CCM2: variants seen among roughly 807,000 people sequenced by gnomAD.
CCM2 encodes the protein CCM2 scaffold protein.
A neutral mutation model predicts 44.9 loss-of-function variants in CCM2; 25 were observed. That is an observed-to-expected ratio of 0.56 (90% CI 0.41 to 0.78). The LOEUF is 0.78. Ranked by LOEUF, CCM2 falls within the 30% of genes least tolerant of loss-of-function variation. The pLI, the probability that CCM2 is intolerant of heterozygous loss-of-function variation, is 0.00. For missense variants in CCM2, 481 were observed against 580.6 expected (o/e 0.83, Z 1.76); for synonymous variants, 219 against 241.1 (o/e 0.91, Z 0.85).
chr7:45,047,568 C>T lies in CCM2; in HGVS notation c.204+9142C>T, dbSNP rs370211154. Among the ~76,000 whole-genome samples, 31 of 152,322 alleles carry T rather than the reference C, an allele frequency of 2.0e-4. 1 individual carries two copies. The South Asian group carries it at 6.0e-3, about 30-fold the overall frequency. On this transcript the variant is annotated intron_variant, in intron 2 of 9. Coordinates refer to ENST00000258781, the MANE Select transcript of CCM2 (RefSeq NM_031443.4). ...AACAAAGGAACAAACTACACAGCAA[C>T]CTGGATGGGCCTCCAGAGAATTATG...
chr7:45,014,861 A>G (rs1179516676), intron 1 of CCM2, among the ~76,000 whole-genome samples: 3 of 146,230 alleles, frequency 2.1e-5, no homozygotes, highest in Non-Finnish European at 3.0e-5. Flanking sequence ...ACATCGGCTG[A>G]TCGGCCCACC....
intron 8 of CCM2, 158 bp downstream of exon 8, chr7:45,073,729 T>C (rs1245997441): frequency 1.6e-6 from 1 of 615,570 alleles, no homozygotes; most frequent in Admixed American, 2.6e-5. Context: ...ATCACTGCCT[T>C]TTCCTGGGGA....
chr7:45,040,774 G>T (rs1020119803), intron 2 of CCM2, among the ~76,000 whole-genome samples: 1 of 152,136 alleles, frequency 6.6e-6, no homozygotes, highest in African/African-American at 2.4e-5. Flanking sequence ...ATCAGATGAG[G>T]CCAGGAGTTT....
rs777510416 is a variant in CCM2, at chr7:45,064,553, G to A, written c.379G>A (p.Gly127Arg). Residue 127 changes from glycine to arginine, a missense_variant, in exon 4 of 10, where the codon GGG (glycine) becomes AGG (arginine). Transcript: ENST00000258781. ...CAACGTCAAGCTGGCCTGGAGGGACGGGGAGGATATCATCCTCAGGGTGCC... is the reference window on the plus strand; with the variant it reads ...CAACGTCAAGCTGGCCTGGAGGGACAGGGAGGATATCATCCTCAGGGTGCC... ...AYNVKLAWRD[G>R]EDIILRVPIH... The A allele has an allele frequency of 1.9e-6, 3 of 1,613,808 alleles. No individual in the cohort carries two copies. Among genetic ancestry groups the A allele is most frequent in the South Asian group, 1.1e-5 (1 of 91,078 alleles).
chr7:45,067,393 C>T (rs1712935433), intron 4 of CCM2, among the ~76,000 whole-genome samples: 1 of 148,382 alleles, frequency 6.7e-6, no homozygotes, highest in African/African-American at 2.5e-5. Context: ...GAACTCCTGA[C>T]CTCAGGTGAT....
intron 1 of CCM2, among the ~76,000 whole-genome samples, chr7:45,010,607 A>T (rs10235778): frequency 0.84 from 127,015 of 151,820 alleles, 53,196 homozygotes; most frequent in East Asian, 0.9. Context: ...ATATATATAT[A>T]TTTTTTTGAG....
intron 2 of CCM2, among the ~76,000 whole-genome samples, chr7:45,042,328 A>T (rs1797551904): frequency 6.6e-6 from 1 of 151,068 alleles, no homozygotes; most frequent in Admixed American, 6.6e-5. Flanking sequence ...TAGCATTTGT[A>T]TTGTTGAAGT....
intron 2 of CCM2, among the ~76,000 whole-genome samples, chr7:45,042,810 C>T (rs1242892447): frequency 2.0e-5 from 3 of 151,194 alleles, no homozygotes; most frequent in African/African-American, 7.4e-5. Flanking sequence ...TGAAAACTCC[C>T]ATTAAAAAAA....
chr7:45,056,570 A>G (rs144523470), intron 2 of CCM2, among the ~76,000 whole-genome samples: 7 of 152,342 alleles, frequency 4.6e-5, no homozygotes, highest in Non-Finnish European at 1.0e-4. Context: ...CATTTCCCTA[A>G]TAACTATTGA....
intron 1 of CCM2, among the ~76,000 whole-genome samples, chr7:45,007,188 A>G (rs998091026): frequency 1.3e-5 from 2 of 151,994 alleles, no homozygotes; most frequent in African/African-American, 2.4e-5. Context: ...ATCACAGCAC[A>G]CTCTTTGTGG....
intron 1 of CCM2, among the ~76,000 whole-genome samples, chr7:45,036,052 A>C (rs916630595): frequency 3.9e-5 from 6 of 152,140 alleles, no homozygotes; most frequent in African/African-American, 1.4e-4. Flanking sequence ...CAGTTTGCTT[A>C]GTAAGTGGTG....
intron 2 of CCM2, among the ~76,000 whole-genome samples, chr7:45,053,508 C>T (rs1043688869): frequency 3.8e-4 from 58 of 152,178 alleles, no homozygotes; most frequent in African/African-American, 1.3e-3. Flanking sequence ...TTCTGTGAGC[C>T]GTCTCCATAG....
chr7:45,042,265 C>CAAAA (rs71565940), intron 2 of CCM2, among the ~76,000 whole-genome samples: 2 of 102,416 alleles, frequency 2.0e-5, no homozygotes, highest in Admixed American at 2.1e-4. Context: ...GATTCCATCT[C>CAAAA]AAAAAAAAAA....
At chr7:45,066,329 T>C (rs927518043) in intron 4 of CCM2, among the ~76,000 whole-genome samples, 3 of 152,180 alleles carry the variant, frequency 2.0e-5, no homozygotes, top group Non-Finnish European at 4.4e-5. Flanking sequence ...AAAATTTTTG[T>C]AAGGATGAAG....
intron 2 of CCM2, among the ~76,000 whole-genome samples, chr7:45,061,304 C>G (rs2128745652): frequency 6.6e-6 from 1 of 152,142 alleles, no homozygotes; most frequent in East Asian, 1.9e-4. Flanking sequence ...TTTTTCCTCC[C>G]CCTTAGGAGA....
intron 7 of CCM2, 85 bp downstream of exon 7, chr7:45,072,868 C>T: frequency 8.8e-7 from 1 of 1,141,934 alleles, no homozygotes; most frequent in East Asian, 2.3e-5. Flanking sequence ...CCAGTCAGCT[C>T]CCCCATCTCA....
chr7:45,041,660 C>T (rs1644734601), intron 2 of CCM2, among the ~76,000 whole-genome samples: 1 of 152,224 alleles, frequency 6.6e-6, no homozygotes, highest in Non-Finnish European at 1.5e-5. Context: ...ATAGAAAGGA[C>T]TGTGGTCCTA....
chr7:45,044,431 TG>T (rs1394913605), intron 2 of CCM2, among the ~76,000 whole-genome samples: 1 of 152,196 alleles, frequency 6.6e-6, no homozygotes, highest in Non-Finnish European at 1.5e-5. Context: ...CCACCACGTC[TG>T]GCCCAGCTGT....
At chr7:45,047,951 T>C (rs1483230124) in intron 2 of CCM2, among the ~76,000 whole-genome samples, 2 of 152,214 alleles carry the variant, frequency 1.3e-5, no homozygotes, top group Non-Finnish European at 2.9e-5. Context: ...CTACTTGGCA[T>C]GTCAGTGAGA....
Sources: gnomAD v4.1 joint callset for allele counts (sites outside exome capture counted in the v4.1 genomes callset) on GRCh38, gnomAD v4.1.1 for gene constraint, MANE v1.5 for transcripts, NCBI Gene and HGNC (gene_info 2026-07-23, HGNC 2026-07-21) for gene names.